The following AJAP1 variants were observed in gnomAD, a reference collection of about 807,000 sequenced individuals.
AJAP1 encodes the protein adherens junction-associated protein 1.
AJAP1 carries 5 observed loss-of-function variants against 35.0 expected under a neutral mutation model. The observed-to-expected ratio is 0.14, with a 90% CI of 0.07 to 0.30. AJAP1 has a LOEUF of 0.30. AJAP1 is among the 10% of genes least tolerant of loss of function. The pLI, the probability that AJAP1 is intolerant of heterozygous loss-of-function variation, is 1.00. For synonymous variants in AJAP1, 284 were observed against 249.3 expected (o/e 1.14, Z -1.31); for missense variants, 586 against 571.0 (o/e 1.03, Z -0.27).
chr1:4,747,475 C>A (rs535128265), intron 2 of AJAP1, among the ~76,000 whole-genome samples: 1 of 152,154 alleles, frequency 6.6e-6, no homozygotes, highest in African/African-American at 2.4e-5. Flanking sequence ...TTTCAAAATC[C>A]CCATCCTCCA....
rs748798041 is a variant in AJAP1 at position 4,712,641 on chromosome 1, C to G, written c.771C>G (p.Thr257=). Residue 257 remains threonine, a synonymous_variant, in exon 2 of 6, where the codon ACC becomes ACG. Coordinates refer to ENST00000378191, the MANE Select transcript of AJAP1 (RefSeq NM_018836.4). ...GGGTTAGCACAACGGAGCCTTCCAC[C>G]AGTCCCAGCAACAACGGGGAAGTCA... ...PGGVSTTEPS[T]SPSNNGEVTQ... 1.9e-6 allele frequency: 3 copies of G among 1,553,390 alleles called. No homozygotes were observed. In the South Asian group the frequency reaches 3.6e-5, roughly 19 times the overall value.
At chr1:4,751,020 C>A (rs1570193554) in intron 2 of AJAP1, among the ~76,000 whole-genome samples, 1 of 151,726 alleles carries the variant, frequency 6.6e-6, no homozygotes, top group South Asian at 2.1e-4. Flanking sequence ...TTTGGCAGGT[C>A]ACCACTCGAT....
intron 1 of AJAP1, among the ~76,000 whole-genome samples, chr1:4,710,199 C>G (rs55964901): frequency 2.0e-5 from 3 of 152,076 alleles, no homozygotes; most frequent in Non-Finnish European, 2.9e-5. Flanking sequence ...CACAGATACA[C>G]TCATACACAC....
Position 4,772,542 on chromosome 1 carries a change from C to A in AJAP1, c.1163+17C>A. Reference sequence around the variant, plus strand: ...TGGAAACCGGTAAGCTCGGGCTCTGCTAGACCCTGCAGCTGTGAAGCTCTT... The same window carrying A: ...TGGAAACCGGTAAGCTCGGGCTCTGATAGACCCTGCAGCTGTGAAGCTCTT... On this transcript the variant is annotated intron_variant, in intron 4 of 5. Coordinates refer to ENST00000378191, the MANE Select transcript of AJAP1 (RefSeq NM_018836.4). 2.5e-6 allele frequency: 4 copies of A among 1,610,968 alleles called. No homozygotes were observed. Among genetic ancestry groups the A allele is most frequent in the Middle Eastern group, 1.7e-4 (1 of 6,048 alleles).
chr1:4,725,372 G>A (rs564398137), intron 2 of AJAP1, among the ~76,000 whole-genome samples: 25 of 152,142 alleles, frequency 1.6e-4, no homozygotes, highest in African/African-American at 2.9e-4. Flanking sequence ...GCATCTTCTC[G>A]TGCACCATGG....
chr1:4,690,958 G>A (rs1009928658), intron 1 of AJAP1, among the ~76,000 whole-genome samples: 9 of 152,208 alleles, frequency 5.9e-5, no homozygotes, highest in African/African-American at 2.2e-4. Context: ...CAGCCTCACA[G>A]AAGGGCAGGC....
At chr1:4,680,738 A>C (rs1012134082) in intron 1 of AJAP1, among the ~76,000 whole-genome samples, 5 of 152,218 alleles carry the variant, frequency 3.3e-5, no homozygotes, top group African/African-American at 1.2e-4. Flanking sequence ...GAGTTTTTAT[A>C]TATAAATGTA....
chr1:4,677,376 C>G (rs1424122544), intron 1 of AJAP1, among the ~76,000 whole-genome samples: 3 of 152,088 alleles, frequency 2.0e-5, no homozygotes, highest in South Asian at 2.1e-4. Context: ...ATCCCTGATT[C>G]CACGAATAGA....
In AJAP1 at chr1:4,774,447, A is replaced by G. The variant is rs747113424; in HGVS notation, c.1184A>G (p.His395Arg). The G allele has an allele frequency of 1.5e-5, 24 of 1,614,006 alleles. No individual in the cohort carries two copies. Among genetic ancestry groups the G allele is most frequent in the East Asian group, 2.2e-5 (1 of 44,874 alleles). The change falls in exon 5 of 6, where the codon CAT becomes CGT. Residue 395 changes from histidine to arginine, a missense_variant. Physicochemically the swap from His to Arg is conservative, Grantham distance 29. Transcript: ENST00000378191. Reference sequence around the variant, plus strand: ...CGCAGACCCTCCTCTTCTGATCGGCATCTTATTCCTGTGGCCTTCGTGTCT... The same window carrying G: ...CGCAGACCCTCCTCTTCTGATCGGCGTCTTATTCCTGTGGCCTTCGTGTCT... Reference protein sequence around the residue: ...NGNRPSSSDRHLIPVAFVSEK... With the variant: ...NGNRPSSSDRRLIPVAFVSEK...
chr1:4,782,734 C>CG lies in AJAP1; in HGVS notation c.*249_*250insG, dbSNP rs1480028175. On this transcript the variant is annotated 3_prime_UTR_variant, in exon 6 of 6. Coordinates refer to ENST00000378191, the MANE Select transcript of AJAP1 (RefSeq NM_018836.4). This position sits in a 1 kb window ranked among gnomAD's most constrained non-coding sequence, Gnocchi z 5.3. ...AAATGCTCATGCCTATGGGTGACTG[C>CG]CTTCTCCCAGAGTTTTCTTTGGAGA... 1 of 398,440 alleles carries CG rather than the reference C, an allele frequency of 2.5e-6. No homozygotes were observed. Among genetic ancestry groups the CG allele is most frequent in the Non-Finnish European group, 4.4e-6 (1 of 226,074 alleles). The allele number at this position is 398,440 out of a possible 1,614,324, so 24.7% of individuals were successfully genotyped here.
chr1:4,703,194 A>G (rs1640027490), intron 1 of AJAP1, among the ~76,000 whole-genome samples: 1 of 152,226 alleles, frequency 6.6e-6, no homozygotes, highest in Admixed American at 6.5e-5. Flanking sequence ...CAGGCTGGGA[A>G]TGCCGCGAAA....
intron 2 of AJAP1, among the ~76,000 whole-genome samples, chr1:4,753,081 C>T (rs62696961): frequency 2.2e-5 from 1 of 44,644 alleles, no homozygotes. Context: ...TGAATCTTCT[C>T]CTTCTTTTAC....
chr1:4,772,424 G>T lies in AJAP1; in HGVS notation c.1062G>T (p.Leu354=), dbSNP rs1439137709. Residue 354 remains leucine (L), a synonymous_variant, in exon 4 of 6, where the codon CTG becomes CTT. Transcript: ENST00000378191. ...TATTCACGGCCTATAACGAGACCCT[G>T]CAGTGTTCTCACGAGTGCGTCAGGG... is the stretch of plus-strand genomic sequence containing the variant. ...LDIFTAYNET[L]QCSHECVRAS... 6.2e-7 allele frequency: 1 copy of T among 1,614,238 alleles called. No homozygotes were observed. Among genetic ancestry groups the T allele is most frequent in the Admixed American group, 1.7e-5 (1 of 60,024 alleles).
intron 2 of AJAP1, among the ~76,000 whole-genome samples, chr1:4,754,581 G>C (rs139054527): frequency 8.2e-4 from 125 of 152,330 alleles, no homozygotes; most frequent in African/African-American, 2.9e-3. Context: ...TTGAGGATGA[G>C]AGGACAACAT....
intron 2 of AJAP1, among the ~76,000 whole-genome samples, chr1:4,724,611 C>T (rs1051012696): frequency 2.0e-5 from 3 of 149,870 alleles, no homozygotes; most frequent in Non-Finnish European, 4.4e-5. Flanking sequence ...GTGCTTTCCA[C>T]CGGCCGTCAC....
intron 1 of AJAP1, among the ~76,000 whole-genome samples, chr1:4,698,161 C>T (rs991302592): frequency 3.9e-5 from 6 of 152,256 alleles, no homozygotes; most frequent in Non-Finnish European, 7.4e-5. Flanking sequence ...CACCTCTGGC[C>T]GTGCCAGCGT....
chr1:4,739,104 G>A (rs187698758), intron 2 of AJAP1, among the ~76,000 whole-genome samples: 2 of 152,282 alleles, frequency 1.3e-5, no homozygotes, highest in East Asian at 3.9e-4. Context: ...CCTGGTACCT[G>A]GAGCTAAATG....
In AJAP1 at chr1:4,712,261, G is replaced by A. The variant is rs748833403; in HGVS notation, c.391G>A (p.Ala131Thr). The A allele has an allele frequency of 2.0e-6, 3 of 1,523,662 alleles. No individual in the cohort carries two copies. The highest frequency in any genetic ancestry group is 2.1e-5 in the Admixed American group (1 of 47,112). 94.4% of individuals were successfully genotyped at this position (1,523,662 alleles called of 1,614,324 possible). Residue 131 changes from alanine to threonine, a missense_variant, in exon 2 of 6, where the codon GCC becomes ACC. Physicochemically the swap from Ala to Thr is moderately conservative, Grantham distance 58. Transcript: ENST00000378191. ...PAAAKSSPSL[A>T]SSSSSSSSAV... The stretch of plus-strand genomic sequence containing the variant: ...TGCTGCCAAATCCAGCCCTTCCCTC[G>A]CCTCTTCGTCCTCGTCCTCGTCCTC...
rs1397704365 is a variant in AJAP1 at position 4,723,802 on chromosome 1, C to T, written c.829+11103C>T. ...GTTTCGTTTTGATTTTTTTTTTTAT[C>T]GTGGGAGTATTCAGGCACGTCTTTC... is the stretch of plus-strand genomic sequence containing the variant. On this transcript the variant is annotated intron_variant, in intron 2 of 5. Coordinates refer to ENST00000378191, the MANE Select transcript of AJAP1 (RefSeq NM_018836.4). This position sits in a 1 kb window ranked among gnomAD's most constrained non-coding sequence, Gnocchi z 4.3. 6.6e-6 allele frequency among the ~76,000 whole-genome samples: 1 copy of T among 151,016 alleles called. No individual in the cohort carries two copies. Among genetic ancestry groups the T allele is most frequent in the African/African-American group, 2.4e-5 (1 of 41,050 alleles).
Sources: gnomAD v4.1 joint callset for allele counts (sites outside exome capture counted in the v4.1 genomes callset) on GRCh38, gnomAD v4.1.1 for gene constraint, Gnocchi (gnomAD v3.1) non-coding constraint, MANE v1.5 for transcripts, NCBI Gene and HGNC (gene_info 2026-07-23, HGNC 2026-07-21) for gene names.